Variants in CFAP92 observed in about 807,000 individuals in gnomAD.
CFAP92 encodes the protein uncharacterized protein CFAP92.
Under a neutral mutation model 106.3 loss-of-function variants are expected in CFAP92, and 86 were observed. The observed-to-expected ratio is 0.81, with a 90% CI of 0.68 to 0.97. The LOEUF is 0.97. CFAP92 is among the 50% of genes least tolerant of loss of function. The probability of loss-of-function intolerance (pLI) is 0.00; values close to 1 mark genes in which losing one functional copy is unlikely to be tolerated. For synonymous variants in CFAP92, 477 were observed against 506.4 expected (o/e 0.94, Z 0.78); for missense variants, 1,204 against 1,283.8 (o/e 0.94, Z 0.95).
At chr3:129,002,159 C>A in intron 1 of CFAP92, 1 of 1,471,662 alleles carries the variant, frequency 6.8e-7, no homozygotes, top group Admixed American at 2.6e-5. Context: ...TCCGCCTGCG[C>A]CGTCCGCGCC....
rs753719587 is a variant in CFAP92, at chr3:128,945,713, A to T, written c.1616T>A (p.Phe539Tyr). The T allele has an allele frequency of 4.8e-5, 74 of 1,535,908 alleles. No homozygotes were observed. The African/African-American group carries it at 9.2e-4, about 19-fold the overall frequency. The stretch of plus-strand genomic sequence containing the variant: ...CTCTCTGGGAGAGATGAGGGCCTGG[A>T]AGTTGAGGTATGAATCCAGAGGGTC... ...GEDPLDSYLNFQALISPRETE... is the reference protein window; with the variant it reads ...GEDPLDSYLNYQALISPRETE... The change falls in exon 10 of 16, where the codon TTC becomes TAC. Residue 539 changes from phenylalanine (F) to tyrosine (Y), a missense_variant. Coordinates refer to ENST00000645291, the MANE Select transcript of CFAP92 (RefSeq NM_001394090.1).
rs532098590 is a variant in CFAP92, at chr3:128,945,277, G to A, written c.2052C>T (p.Asn684=). Residue 684 remains asparagine, a synonymous_variant, in exon 10 of 16, where the codon AAC becomes AAT. Transcript: ENST00000645291. The part of the protein sequence containing the change: ...HSLLQDITMI[N]AKALGLDSYP... ...AGGAGTCCAGGCCGAGGGCCTTAGC[G>A]TTGATCATGGTGATGTCCTGCAGCA... 8.5e-6 allele frequency: 13 copies of A among 1,536,168 alleles called. No homozygotes were observed. Among genetic ancestry groups the A allele is most frequent in the South Asian group, 4.8e-5 (4 of 84,066 alleles).
chr3:128,911,768 G>T (rs1448367635), intron 15 of CFAP92, among the ~76,000 whole-genome samples: 3 of 152,216 alleles, frequency 2.0e-5, no homozygotes, highest in Non-Finnish European at 4.4e-5. Context: ...AGCTGCCCGG[G>T]GAAGGCTCAC....
intron 1 of CFAP92, among the ~76,000 whole-genome samples, chr3:128,999,268 G>A (rs551159848): frequency 2.4e-4 from 36 of 152,286 alleles, no homozygotes; most frequent in African/African-American, 8.2e-4. Context: ...TTATTTCAGA[G>A]GTGCCTGGTA....
chr3:128,982,479 G>A (rs1183599004), intron 4 of CFAP92, among the ~76,000 whole-genome samples: 2 of 152,190 alleles, frequency 1.3e-5, no homozygotes, highest in Admixed American at 6.5e-5. Context: ...CTCTGTATCA[G>A]CTATAAGGCT....
At chr3:128,960,243 C>T (rs978308252) in intron 9 of CFAP92, among the ~76,000 whole-genome samples, 5 of 152,226 alleles carry the variant, frequency 3.3e-5, no homozygotes, top group African/African-American at 4.8e-5. Context: ...CACACGGACG[C>T]GCATGAAATG....
At chr3:129,022,786 G>A in the CFAP92 span, among the ~76,000 whole-genome samples, 1 of 152,216 alleles carries the variant, frequency 6.6e-6, no homozygotes, top group African/African-American at 2.4e-5. Context: ...AAGGCCCCCA[G>A]ACCATTTCCC....
At chr3:128,984,736 A>C (rs1363583040) in intron 4 of CFAP92, among the ~76,000 whole-genome samples, 1 of 152,138 alleles carries the variant, frequency 6.6e-6, no homozygotes, top group Non-Finnish European at 1.5e-5. Flanking sequence ...TCTAGAGAAC[A>C]CTGACTAGTA....
chr3:128,951,508 TA>T (rs943177663), intron 9 of CFAP92, among the ~76,000 whole-genome samples: 56 of 148,128 alleles, frequency 3.8e-4, no homozygotes, highest in Admixed American at 6.7e-4. Flanking sequence ...GTTGTATATA[TA>T]AAAAAAAAAT....
the CFAP92 span, among the ~76,000 whole-genome samples, chr3:129,025,389 G>A: frequency 1.1e-4 from 17 of 152,196 alleles, no homozygotes; most frequent in East Asian, 3.9e-4. Context: ...GTGTGTAAGC[G>A]AGGGAGGAAT....
At chr3:128,963,811 G>A (rs1212702801) in intron 9 of CFAP92, among the ~76,000 whole-genome samples, 5 of 149,540 alleles carry the variant, frequency 3.3e-5, no homozygotes, top group African/African-American at 1.2e-4. Context: ...ACTTCTCAGT[G>A]TTCCATCTGC....
At chr3:128,959,749 T>C (rs1280934786) in intron 9 of CFAP92, among the ~76,000 whole-genome samples, 1 of 152,208 alleles carries the variant, frequency 6.6e-6, no homozygotes, top group East Asian at 1.9e-4. Context: ...TGGTCACACC[T>C]AATCCCAGGA....
chr3:128,975,958 A>G, intron 6 of CFAP92, 55 bp from the exon 7 acceptor site: 2 of 1,536,210 alleles, frequency 1.3e-6, no homozygotes, highest in Non-Finnish European at 1.8e-6. Flanking sequence ...CAGGGGCCAG[A>G]TCTGAGAATC....
At chr3:128,919,783 A>G (rs16852281) in intron 12 of CFAP92, among the ~76,000 whole-genome samples, 7,271 of 152,312 alleles carry the variant, frequency 0.048, 355 homozygotes, top group African/African-American at 0.12. Context: ...GCATTGCTAG[A>G]GAAACAAAAT....
intron 3 of CFAP92, 121 bp from the exon 4 acceptor site, chr3:128,987,950 G>GGAGA: frequency 2.7e-6 from 2 of 752,686 alleles, no homozygotes; most frequent in Non-Finnish European, 4.3e-6. Flanking sequence ...TTCAGTGCCT[G>GGAGA]GTCACTCTCC....
rs1274164712 is a variant in CFAP92 at position 128,935,268 on chromosome 3, C to T, written c.2310G>A (p.Leu770=). The change falls in exon 11 of 16, where the codon CTG becomes CTA. Residue 770 remains leucine (L), a synonymous_variant. Coordinates refer to ENST00000645291, the MANE Select transcript of CFAP92 (RefSeq NM_001394090.1). ...CCCCATAGAGCCGGCTGCGGAACAGCAGCTGTGAGTTGTACAGCACCTTGT... is the reference window on the plus strand; with the variant it reads ...CCCCATAGAGCCGGCTGCGGAACAGTAGCTGTGAGTTGTACAGCACCTTGT... ...RKYKVLYNSQ[L]LFRSRLYGDL... The T allele has an allele frequency of 3.3e-6, 5 of 1,535,872 alleles. No individual in the cohort carries two copies. Among genetic ancestry groups the T allele is most frequent in the Non-Finnish European group, 4.4e-6 (5 of 1,146,726 alleles).
intron 12 of CFAP92, among the ~76,000 whole-genome samples, chr3:128,917,111 G>A (rs766232814): frequency 4.6e-5 from 7 of 152,224 alleles, no homozygotes; most frequent in African/African-American, 1.7e-4. Context: ...AACAAGGGAT[G>A]CAAGGTAAAG....
chr3:128,946,154 C>T (rs1940193109), intron 9 of CFAP92, among the ~76,000 whole-genome samples, 179 bp from the exon 10 acceptor site: 1 of 152,146 alleles, frequency 6.6e-6, no homozygotes, highest in Non-Finnish European at 1.5e-5. Context: ...GGACTGCAGA[C>T]ATCATGCATG....
upstream of CFAP92, among the ~76,000 whole-genome samples, chr3:128,994,754 C>T (rs1386890901): frequency 2.0e-5 from 3 of 152,194 alleles, no homozygotes; most frequent in African/African-American, 7.2e-5. Flanking sequence ...GCCCTGGCTG[C>T]GGCTCCTAAT....
Sources: gnomAD v4.1 joint callset for allele counts (sites outside exome capture counted in the v4.1 genomes callset) on GRCh38, gnomAD v4.1.1 for gene constraint, MANE v1.5 for transcripts, NCBI Gene and HGNC (gene_info 2026-07-23, HGNC 2026-07-21) for gene names.